DGKZ: variants seen among roughly 807,000 people sequenced by gnomAD.
DGKZ encodes the protein diacylglycerol kinase zeta.
Under a neutral mutation model 142.5 loss-of-function variants are expected in DGKZ, and 45 were observed. The ratio of observed to expected loss-of-function variants is 0.32; its 90% CI spans 0.25 to 0.40. The LOEUF (loss-of-function observed/expected upper bound fraction) is 0.40. Among genes scored for constraint, DGKZ ranks in the 10% least tolerant of loss-of-function variants. The pLI is 1.00. For synonymous variants in DGKZ, 442 were observed against 527.0 expected (o/e 0.84, Z 2.21); for missense variants, 755 against 1,306.5 (o/e 0.58, Z 6.51).
intron 1 of DGKZ, among the ~76,000 whole-genome samples, chr11:46,351,494 C>T (rs920541146): frequency 2.0e-4 from 30 of 152,322 alleles, no homozygotes; most frequent in Middle Eastern, 3.4e-3. Context: ...GGTGCCTGAG[C>T]AGAAGCAGCC....
intron 1 of DGKZ, among the ~76,000 whole-genome samples, chr11:46,351,343 G>A (rs1371568579): frequency 3.3e-5 from 5 of 152,068 alleles, no homozygotes; most frequent in Non-Finnish European, 7.4e-5. Flanking sequence ...TGCCCTTCAC[G>A]GTGCTCAAAG....
At chr11:46,369,609 C>T (rs373755319) in intron 5 of DGKZ, 59 bp downstream of exon 5, 75 of 1,601,286 alleles carry the variant, frequency 4.7e-5, no homozygotes, top group East Asian at 3.6e-4. Flanking sequence ...TGGGCCTCTG[C>T]GCAGTGCCTC....
intron 1 of DGKZ, among the ~76,000 whole-genome samples, chr11:46,336,973 A>G (rs1940046041): frequency 6.6e-6 from 1 of 152,082 alleles, no homozygotes; most frequent in South Asian, 2.1e-4. Context: ...GTGAGCCACA[A>G]TTGCGCCACT....
chr11:46,378,004 T>C (rs1472905333), intron 25 of DGKZ, 194 bp from the exon 26 acceptor site: 3 of 656,838 alleles, frequency 4.6e-6, no homozygotes, highest in Non-Finnish European at 8.0e-6. Flanking sequence ...TGAACTAGAA[T>C]GTAAGCTCCA....
At chr11:46,375,310 TG>T in intron 19 of DGKZ, 121 bp from the exon 20 acceptor site, 1 of 1,185,300 alleles carries the variant, frequency 8.4e-7, no homozygotes, top group Non-Finnish European at 1.2e-6. Flanking sequence ...CTCTGCCCTC[TG>T]GCCAGGGGTC....
At chr11:46,379,503 G>C (rs772869212) in exon 30 of DGKZ, 1 of 1,611,496 alleles carries the variant, frequency 6.2e-7, no homozygotes, top group Non-Finnish European at 8.5e-7. Flanking sequence ...AGCGGCCCTG[G>C]GCCAGCGCAC....
At chr11:46,348,437 C>T (rs1375703276) in intron 1 of DGKZ, among the ~76,000 whole-genome samples, 1 of 152,178 alleles carries the variant, frequency 6.6e-6, no homozygotes, top group African/African-American at 2.4e-5. Context: ...TCTGCCCTAC[C>T]TTGCTCTTAA....
chr11:46,374,910 C>T (rs1264467390), intron 18 of DGKZ, 24 bp from the exon 19 acceptor site: 1 of 1,574,394 alleles, frequency 6.4e-7, no homozygotes, highest in African/African-American at 1.3e-5. Context: ...GTTTTGAGGC[C>T]CATGTCATCG....
intron 1 of DGKZ, among the ~76,000 whole-genome samples, chr11:46,352,407 GCA>G (rs1941510554): frequency 1.3e-5 from 2 of 152,218 alleles, no homozygotes; most frequent in Non-Finnish European, 2.9e-5. Context: ...GAAGTTACCT[GCA>G]GCTCTAGCTG....
At chr11:46,342,362 T>C (rs996353232) in intron 1 of DGKZ, among the ~76,000 whole-genome samples, 5 of 152,228 alleles carry the variant, frequency 3.3e-5, no homozygotes, top group Non-Finnish European at 5.9e-5. Context: ...ACTGCCCTGC[T>C]TCTTGAAGCC....
At chr11:46,355,518 C>G (rs1941911420) in intron 1 of DGKZ, among the ~76,000 whole-genome samples, 1 of 152,200 alleles carries the variant, frequency 6.6e-6, no homozygotes, top group South Asian at 2.1e-4. Flanking sequence ...GGGCATTAGC[C>G]CTATTTATCA....
At chr11:46,360,486 A>C (rs1050170079) in intron 1 of DGKZ, among the ~76,000 whole-genome samples, 1 of 138,486 alleles carries the variant, frequency 7.2e-6, no homozygotes, top group African/African-American at 3.0e-5. Context: ...CCCTTTCCTC[A>C]TCAAAAAAAA....
upstream of DGKZ, chr11:46,345,365 C>T: frequency 2.1e-6 from 3 of 1,398,314 alleles, no homozygotes; most frequent in Non-Finnish European, 2.8e-6. The surrounding 1 kb of genome is among the most constrained non-coding windows in gnomAD (Gnocchi z 4.1). Context: ...CTCGACCCCA[C>T]CCCCGTCAGG....
chr11:46,372,122 C>T lies in DGKZ; in HGVS notation c.879C>T (p.Leu293=), dbSNP rs764094008. The T allele has an allele frequency of 3.7e-6, 6 of 1,612,114 alleles. No individual in the cohort carries two copies. In the South Asian group the frequency reaches 6.6e-5, roughly 18 times the overall value. ...TCATCAGGCCCACCCCCTCCCCGCT[C>T]ATGAAGCCCCTGCTGGTGTTTGTGA... Residue 293 remains leucine, a synonymous_variant, in exon 10 of 31, where the codon CTC becomes CTT. Coordinates refer to ENST00000527911, the Ensembl canonical transcript of DGKZ. This position sits in a 1 kb window ranked among gnomAD's most constrained non-coding sequence, Gnocchi z 5.9.
chr11:46,369,116 C>T (rs1943654359), intron 4 of DGKZ: 1 of 306,722 alleles, frequency 3.3e-6, no homozygotes, highest in African/African-American at 2.2e-5. Context: ...GTGGAGGTTG[C>T]AGTGAGCCGA....
intron 1 of DGKZ, chr11:46,366,147 C>G (rs1343769964): frequency 1.4e-5 from 19 of 1,403,230 alleles, no homozygotes; most frequent in Non-Finnish European, 1.7e-5. Flanking sequence ...TGGTTGCTTC[C>G]CTTCTCATGG....
chr11:46,353,967 C>A (rs965262673), intron 1 of DGKZ, among the ~76,000 whole-genome samples: 1 of 152,240 alleles, frequency 6.6e-6, no homozygotes, highest in Non-Finnish European at 1.5e-5. Context: ...TGACATTTTA[C>A]AGAGAGAGGC....
upstream of DGKZ, among the ~76,000 whole-genome samples, chr11:46,342,729 C>G (rs901962758): frequency 9.2e-5 from 14 of 152,242 alleles, no homozygotes; most frequent in African/African-American, 2.7e-4. Context: ...TTTAAGAGCA[C>G]AGATTCTGGG....
chr11:46,374,091 G>A (rs1355518271), intron 14 of DGKZ, 66 bp from the exon 15 acceptor site: 3 of 1,568,696 alleles, frequency 1.9e-6, no homozygotes, highest in East Asian at 2.2e-5. Context: ...TCGGCCACAC[G>A]AGGCCCCTGG....
Sources: gnomAD v4.1 joint callset for allele counts (sites outside exome capture counted in the v4.1 genomes callset) on GRCh38, gnomAD v4.1.1 for gene constraint, Gnocchi (gnomAD v3.1) non-coding constraint, MANE v1.5 for transcripts, NCBI Gene and HGNC (gene_info 2026-07-23, HGNC 2026-07-21) for gene names.